Variants in MARCHF1 observed in about 807,000 individuals in gnomAD.
MARCHF1 encodes the protein membrane associated ring-CH-type finger 1, also known as E3 ubiquitin-protein ligase MARCHF1.
A neutral mutation model predicts 54.2 loss-of-function variants in MARCHF1; 40 were observed. That is an observed-to-expected ratio of 0.74 (90% CI 0.57 to 0.96). The LOEUF is 0.96. Ranked by LOEUF, MARCHF1 falls within the 40% of genes least tolerant of loss-of-function variation. MARCHF1 has a pLI of 0.00. For missense variants in MARCHF1, 586 were observed against 656.5 expected (o/e 0.89, Z 1.17); for synonymous variants, 236 against 236.3 (o/e 1.00, Z 0.01).
chr4:163,596,581 A>G (rs6536738), intron 7 of MARCHF1, among the ~76,000 whole-genome samples: 136,731 of 147,376 alleles, frequency 0.93, 63,511 homozygotes, highest in African/African-American at 0.98. Context: ...CTATTTACAG[A>G]ACCTCTGAGC....
At chr4:164,239,323 G>A (rs931547289) in intron 1 of MARCHF1, among the ~76,000 whole-genome samples, 1 of 152,044 alleles carries the variant, frequency 6.6e-6, no homozygotes, top group Non-Finnish European at 1.5e-5. Flanking sequence ...GTTGGATAAA[G>A]GTCTAAGTTT....
intron 4 of MARCHF1, among the ~76,000 whole-genome samples, chr4:163,845,496 C>T (rs1456646211): frequency 2.0e-5 from 3 of 149,864 alleles, no homozygotes; most frequent in African/African-American, 7.3e-5. Flanking sequence ...CACACACACA[C>T]ACACACACGT....
At chr4:164,258,288 C>T (rs1009685072) in intron 1 of MARCHF1, among the ~76,000 whole-genome samples, 5 of 151,904 alleles carry the variant, frequency 3.3e-5, no homozygotes, top group African/African-American at 9.7e-5. Flanking sequence ...AGGAGAAATA[C>T]CTAATGTAGA....
intron 1 of MARCHF1, among the ~76,000 whole-genome samples, chr4:164,180,588 A>T (rs1035711671): frequency 6.6e-6 from 1 of 152,154 alleles, no homozygotes; most frequent in Non-Finnish European, 1.5e-5. Flanking sequence ...CAAGGGAGGG[A>T]TTATGCAGCA....
At chr4:164,260,006 T>A (rs1733419460) in intron 1 of MARCHF1, among the ~76,000 whole-genome samples, 1 of 152,204 alleles carries the variant, frequency 6.6e-6, no homozygotes, top group Non-Finnish European at 1.5e-5. Context: ...TTGATAGTTT[T>A]CATATATCTC....
chr4:163,820,274 C>T (rs1306095804), intron 4 of MARCHF1, among the ~76,000 whole-genome samples: 1 of 151,988 alleles, frequency 6.6e-6, no homozygotes, highest in Non-Finnish European at 1.5e-5. Context: ...ACCCAGTTAT[C>T]CTTTTGAAGT....
At chr4:163,893,779 A>G (rs1750716398) in intron 3 of MARCHF1, among the ~76,000 whole-genome samples, 1 of 152,168 alleles carries the variant, frequency 6.6e-6, no homozygotes, top group African/African-American at 2.4e-5. Flanking sequence ...AAAGATGAAG[A>G]GACATTTAAT....
rs560772732 is a variant in MARCHF1, at chr4:163,790,838, T to C, written c.111+63183A>G. On this transcript the variant is annotated intron_variant, in intron 4 of 9. Coordinates refer to ENST00000514618, the MANE Select transcript of MARCHF1 (RefSeq NM_001394959.1). ...ATGAGGGATAAAAACAGAATTCCTA[T>C]AGCTGAGAGGTGACCTGGTTGAAGG... Among the ~76,000 whole-genome samples, 7 of 152,122 alleles carry C rather than the reference T, an allele frequency of 4.6e-5. No homozygotes were observed. In the East Asian group the frequency reaches 1.4e-3, roughly 29 times the overall value.
intron 4 of MARCHF1, among the ~76,000 whole-genome samples, chr4:163,845,460 TAC>T (rs10611765): frequency 0.51 from 69,684 of 137,098 alleles, 17,883 homozygotes; most frequent in Middle Eastern, 0.6. Context: ...GCACCTCAGT[TAC>T]ACACACACAC....
chr4:164,070,049 A>G (rs879944437), intron 2 of MARCHF1, among the ~76,000 whole-genome samples: 6 of 152,174 alleles, frequency 3.9e-5, no homozygotes, highest in Non-Finnish European at 7.4e-5. Flanking sequence ...TAATTTTTAA[A>G]TGGGAGCTAA....
chr4:163,604,340 T>G (rs1741074676), intron 7 of MARCHF1, among the ~76,000 whole-genome samples: 1 of 152,152 alleles, frequency 6.6e-6, no homozygotes, highest in Admixed American at 6.6e-5. Context: ...CTTGGTAGGG[T>G]AGTAAATGGT....
chr4:163,850,917 C>A lies in MARCHF1; in HGVS notation c.111+3104G>T, dbSNP rs73868905. 3.1e-3 allele frequency among the ~76,000 whole-genome samples: 472 copies of A among 152,172 alleles called. 2 individuals are homozygous for A. The highest frequency in any genetic ancestry group is 0.011 in the African/African-American group (456 of 41,530). On this transcript the variant is annotated intron_variant, in intron 4 of 9. Coordinates refer to ENST00000514618, the MANE Select transcript of MARCHF1 (RefSeq NM_001394959.1). ...ACAGAAGTTTCCAGGACTTATTGAG[C>A]AAAATGGCTGGCTTCTTCTAAAGCC... is the stretch of plus-strand genomic sequence containing the variant.
intron 3 of MARCHF1, among the ~76,000 whole-genome samples, chr4:163,884,973 G>A (rs1359364001): frequency 2.0e-5 from 3 of 152,296 alleles, no homozygotes; most frequent in South Asian, 2.1e-4. Context: ...TCCCTCTGCA[G>A]ATGGTGACAT....
chr4:163,527,538 A>G lies in MARCHF1; in HGVS notation c.*1210T>C, dbSNP rs886503698. 4 of 152,046 alleles carry G rather than the reference A, an allele frequency of 2.6e-5. No homozygotes were observed. The highest frequency in any genetic ancestry group is 5.9e-5 in the Non-Finnish European group (4 of 67,966). 9.4% of individuals were successfully genotyped at this position (152,046 alleles called of 1,614,324 possible). On this transcript the variant is annotated 3_prime_UTR_variant, in exon 10 of 10. Transcript: ENST00000514618. ...GGCAGATTGATTGTTTTATCTTTCT[A>G]TACTTTTGGATTTTTACCCTTTAGA...
At chr4:163,864,148 G>C (rs769440473) in intron 3 of MARCHF1, among the ~76,000 whole-genome samples, 5 of 151,956 alleles carry the variant, frequency 3.3e-5, no homozygotes, top group African/African-American at 4.8e-5. Context: ...CATAGAAACT[G>C]CCTTCCGAAG....
chr4:163,583,203 G>C (rs1740286398), intron 8 of MARCHF1, among the ~76,000 whole-genome samples: 1 of 152,224 alleles, frequency 6.6e-6, no homozygotes, highest in South Asian at 2.1e-4. Context: ...AAAGTGGCTA[G>C]ATACCACTTG....
intron 3 of MARCHF1, among the ~76,000 whole-genome samples, chr4:163,976,967 A>T (rs1268967374): frequency 1.3e-5 from 2 of 152,144 alleles, no homozygotes; most frequent in East Asian, 3.8e-4. Flanking sequence ...GGCGTTAAAA[A>T]ATAGTTCTGT....
At chr4:164,211,335 A>ATG (rs1731766171) in intron 1 of MARCHF1, among the ~76,000 whole-genome samples, 1 of 77,548 alleles carries the variant, frequency 1.3e-5, no homozygotes, top group African/African-American at 4.7e-5. Context: ...ATGTATGTAT[A>ATG]TATATATATA....
At chr4:164,099,850 G>T (rs529204711) in intron 2 of MARCHF1, among the ~76,000 whole-genome samples, 4 of 152,052 alleles carry the variant, frequency 2.6e-5, no homozygotes, top group Admixed American at 6.5e-5. Context: ...TTTTAATTTT[G>T]TTATATTTTC....
Sources: allele counts gnomAD v4.1 joint callset (sites outside exome capture counted in the v4.1 genomes callset), GRCh38; gene constraint gnomAD v4.1.1; transcripts MANE v1.5; gene names NCBI Gene and HGNC (gene_info 2026-07-23, HGNC 2026-07-21).